SLC16A5: variants seen among roughly 807,000 people sequenced by gnomAD.
SLC16A5 encodes monocarboxylate transporter 6.
In SLC16A5, 29 loss-of-function variants were observed where a neutral mutation model predicts 33.2. That is an observed-to-expected ratio of 0.87 (90% CI 0.65 to 1.19). The LOEUF (loss-of-function observed/expected upper bound fraction) is 1.19, where lower values mean the gene tolerates loss of function less well. SLC16A5 is among the 50% of genes most tolerant of loss of function. SLC16A5 has a pLI of 0.00. For synonymous variants in SLC16A5, 248 were observed against 284.1 expected, an observed-to-expected ratio of 0.87 and a Z score of 1.28; for missense variants, 606 against 678.2, an observed-to-expected ratio of 0.89 and a Z score of 1.18.
chr17:75,108,414 C>A (rs945214718), downstream of SLC16A5, among the ~76,000 whole-genome samples: 3 of 152,168 alleles, frequency 2.0e-5, no homozygotes, highest in Admixed American at 1.3e-4. Flanking sequence ...GTTAGAAACT[C>A]CTGCCTCAGA....
At chr17:75,103,014 CA>C (rs1425393651) in intron 5 of SLC16A5, among the ~76,000 whole-genome samples, 2 of 152,134 alleles carry the variant, frequency 1.3e-5, no homozygotes, top group Admixed American at 6.5e-5. Flanking sequence ...CCTCAGCCTC[CA>C]GAGTAGCTGG....
chr17:75,100,988 C>A (rs1245420418), intron 5 of SLC16A5, among the ~76,000 whole-genome samples, 172 bp downstream of exon 5: 1 of 152,182 alleles, frequency 6.6e-6, no homozygotes, highest in African/African-American at 2.4e-5. Flanking sequence ...GTGGCTCATG[C>A]CTGTAATCCC....
intron 2 of SLC16A5, chr17:75,093,309 C>T: frequency 9.3e-7 from 1 of 1,080,794 alleles, no homozygotes; most frequent in South Asian, 1.4e-5. Flanking sequence ...ACCCCATTGC[C>T]TGGTGCCACC....
At position 75,100,036 on chromosome 17, in the gene SLC16A5, A is replaced by G; in HGVS notation, c.373A>G (p.Ser125Gly). 1 of 1,612,376 alleles carries G rather than the reference A, an allele frequency of 6.2e-7. No individual in the cohort carries two copies. Among genetic ancestry groups the G allele is most frequent in the Non-Finnish European group, 8.5e-7 (1 of 1,179,852 alleles). ...GGGCATGTGCTTCAGCTTCCAGTCAAGCATCACGGTGCTGGGCTTCTACTT... is the reference window on the plus strand; with the variant it reads ...GGGCATGTGCTTCAGCTTCCAGTCAGGCATCACGGTGCTGGGCTTCTACTT... ...GLGMCFSFQSSITVLGFYFVR... is the reference protein window; with the variant it reads ...GLGMCFSFQSGITVLGFYFVR... Residue 125 changes from serine (S) to glycine (G), a missense_variant, in exon 5 of 7, where the codon AGC becomes GGC. Transcript: ENST00000329783.
At chr17:75,103,705 G>A (rs954292395) in intron 5 of SLC16A5, among the ~76,000 whole-genome samples, 11 of 152,304 alleles carry the variant, frequency 7.2e-5, no homozygotes, top group African/African-American at 2.4e-4. Flanking sequence ...GGGTGGGTGA[G>A]CAAATATCCC....
rs1225423597 is a variant in SLC16A5 at position 75,098,118 on chromosome 17, A to G, written c.280A>G (p.Met94Val). 6.2e-7 allele frequency: 1 copy of G among 1,612,374 alleles called. No individual in the cohort carries two copies. Among genetic ancestry groups the G allele is most frequent in the Non-Finnish European group, 8.5e-7 (1 of 1,179,324 alleles). ...GGGGGGCGTGCTGGCCAGCCTGGGCATGGTGGCCAGCTCCTTCTCTCACAA... is the reference window on the plus strand; with the variant it reads ...GGGGGGCGTGCTGGCCAGCCTGGGCGTGGTGGCCAGCTCCTTCTCTCACAA... Reference protein sequence around the residue: ...MLGGVLASLGMVASSFSHNLS... With the variant: ...MLGGVLASLGVVASSFSHNLS... Residue 94 changes from methionine to valine, a missense_variant, in exon 4 of 7, where the codon ATG becomes GTG. Met to Val is a conservative substitution (Grantham distance 21). Coordinates refer to ENST00000329783, the MANE Select transcript of SLC16A5 (RefSeq NM_004695.4).
chr17:75,108,943 T>A (rs116090215), downstream of SLC16A5, among the ~76,000 whole-genome samples: 1 of 152,288 alleles, frequency 6.6e-6, no homozygotes, highest in African/African-American at 2.4e-5. Context: ...TTTCTTGGGC[T>A]GTGTCCGGGT....
chr17:75,101,062 C>T (rs1207128120), intron 5 of SLC16A5, among the ~76,000 whole-genome samples: 1 of 151,532 alleles, frequency 6.6e-6, no homozygotes, highest in Non-Finnish European at 1.5e-5. Flanking sequence ...TCCTGGCCAA[C>T]ATGGTGAAAC....
At chr17:75,101,561 G>GAAAAA (rs531652324) in intron 5 of SLC16A5, among the ~76,000 whole-genome samples, 1 of 45,670 alleles carries the variant, frequency 2.2e-5, no homozygotes, top group African/African-American at 6.3e-5. Context: ...GACTCCATCT[G>GAAAAA]AAAAAAAAAA....
chr17:75,092,360 CTTT>C (rs150596125), intron 2 of SLC16A5, among the ~76,000 whole-genome samples: 5 of 139,120 alleles, frequency 3.6e-5, no homozygotes, highest in Non-Finnish European at 3.1e-5. Flanking sequence ...AAGTGTGTGT[CTTT>C]TTTTTTTTTT....
Position 75,093,591 on chromosome 17 carries a change from A to T in SLC16A5, c.-46A>T. 1 of 1,581,722 alleles carries T rather than the reference A, an allele frequency of 6.3e-7. No homozygotes were observed. Among genetic ancestry groups the T allele is most frequent in the Non-Finnish European group, 8.6e-7 (1 of 1,168,692 alleles). ...GCTCCATTCTGTCCCCTCCCCAGGC[A>T]GCAGCCACATTGGCAGTGAGGCCGT... On this transcript the variant is annotated splice_region_variant and 5_prime_UTR_variant, in exon 3 of 7. Transcript: ENST00000329783.
intron 5 of SLC16A5, 47 bp from the exon 6 acceptor site, chr17:75,103,923 G>T: frequency 2.6e-6 from 4 of 1,541,476 alleles, no homozygotes; most frequent in Non-Finnish European, 3.6e-6. Context: ...CAGCTGAGTT[G>T]GGGGGAGGCC....
At chr17:75,092,026 G>GT (rs1555644925) in intron 2 of SLC16A5, among the ~76,000 whole-genome samples, 7 of 61,792 alleles carry the variant, frequency 1.1e-4, no homozygotes, top group Non-Finnish European at 2.0e-4. Flanking sequence ...AGATGTGAGG[G>GT]GGGTGTGTGT....
In SLC16A5 at chr17:75,104,148, C is replaced by T. The variant is rs61744015; in HGVS notation, c.1332C>T (p.Asp444=). 4,227 of 1,614,142 alleles carry T rather than the reference C, an allele frequency of 2.6e-3. 93 individuals carry two copies. The African/African-American group carries it at 0.048, about 18-fold the overall frequency. ...LERDLFLEAK[D]GPGKQRSPEI... is the part of the protein sequence containing the mutation. ...GGGATCTTTTCTTGGAAGCCAAAGA[C>T]GGTCCTGGGAAGCAACGGTCCCCTG... The change falls in exon 6 of 7, where the codon GAC becomes GAT. Residue 444 remains aspartate, a synonymous_variant. Coordinates refer to ENST00000329783, the MANE Select transcript of SLC16A5 (RefSeq NM_004695.4).
downstream of SLC16A5, among the ~76,000 whole-genome samples, chr17:75,108,807 T>C (rs2073883403): frequency 3.3e-5 from 5 of 152,228 alleles, no homozygotes; most frequent in Admixed American, 1.3e-4. Flanking sequence ...GCTGGGCAGA[T>C]GGCCATTCAA....
At chr17:75,104,517 T>C (rs923738846) in intron 6 of SLC16A5, 2 of 1,008,846 alleles carry the variant, frequency 2.0e-6, no homozygotes, top group Non-Finnish European at 2.4e-6. Context: ...CCTCCCAAGT[T>C]CAAGGGATTC....
intron 2 of SLC16A5, among the ~76,000 whole-genome samples, chr17:75,091,673 A>G (rs951721251): frequency 1.3e-5 from 2 of 152,146 alleles, no homozygotes; most frequent in African/African-American, 4.8e-5. Flanking sequence ...AGGGGGTTTC[A>G]TATTTCTGGT....
Position 75,100,387 on chromosome 17 carries a change from A to G in SLC16A5, c.724A>G (p.Ile242Val), listed in dbSNP as rs779903138. ...LRHNTGYCVY[I>V]LGVMWSVLGF... ...GCACAACACAGGCTACTGCGTGTAC[A>G]TACTGGGTGTGATGTGGTCCGTCCT... The change falls in exon 5 of 7, where the codon ATA (isoleucine) becomes GTA (valine). Residue 242 changes from isoleucine (I) to valine (V), a missense_variant. Transcript: ENST00000329783. The G allele has an allele frequency of 3.1e-6, 5 of 1,614,188 alleles. No individual in the cohort carries two copies. The highest frequency in any genetic ancestry group is 1.3e-5 in the African/African-American group (1 of 75,040).
downstream of SLC16A5, among the ~76,000 whole-genome samples, chr17:75,109,136 G>A (rs2073885813): frequency 6.6e-6 from 1 of 152,038 alleles, no homozygotes; most frequent in South Asian, 2.1e-4. The surrounding 1 kb of genome is among the most constrained non-coding windows in gnomAD (Gnocchi z 5.0). Context: ...TCACACACCC[G>A]CTTCCTGATA....
Sources: allele counts gnomAD v4.1 joint callset (sites outside exome capture counted in the v4.1 genomes callset), GRCh38; gene constraint gnomAD v4.1.1; non-coding constraint Gnocchi (gnomAD v3.1); transcripts MANE v1.5; gene names NCBI Gene and HGNC (gene_info 2026-07-23, HGNC 2026-07-21).